Variants in PUDP observed in about 807,000 individuals in gnomAD.
The protein encoded by PUDP is pseudouridine 5'-phosphatase.
A neutral mutation model predicts 9.4 loss-of-function variants in PUDP; 8 were observed. The ratio of observed to expected loss-of-function variants is 0.85; its 90% confidence interval spans 0.50 to 1.53. The LOEUF (loss-of-function observed/expected upper bound fraction) is 1.53, where lower values mean the gene tolerates loss of function less well. Among genes scored for constraint, PUDP ranks in the 40% most tolerant of loss-of-function variants. The pLI is 0.00. For synonymous variants in PUDP, 99 were observed against 80.7 expected (o/e 1.23, Z -1.22); for missense variants, 188 against 189.7 (o/e 0.99, Z 0.05).
At chrX:6,954,463 T>C (rs774276572) in intron 3 of PUDP, among the ~76,000 whole-genome samples, 28 of 111,060 alleles carry the variant, frequency 2.5e-4, no homozygotes, top group Non-Finnish European at 4.5e-4. Flanking sequence ...TCTCGGCTTT[T>C]ACCCCTCTTG....
chrX:6,978,741 G>C (rs1409446236), intron 1 of PUDP, among the ~76,000 whole-genome samples: 1 of 112,531 alleles, frequency 8.9e-6, no homozygotes, highest in African/African-American at 3.2e-5. Context: ...CAGTGATCGT[G>C]GTACTGAGAA....
rs780478723 is a variant in PUDP, at chrX:6,917,494, A to G, written c.*247+59639T>C. On this transcript the variant is annotated intron_variant and NMD_transcript_variant, in intron 3 of 3. Coordinates refer to the PUDP transcript ENST00000655425. ...TAAAACTTCATACATCTTGTGGTTA[A>G]ACATGCTAGTTGAAGACGTCAAGTC... Among the ~76,000 whole-genome samples, 193 of 112,331 alleles carry G rather than the reference A, an allele frequency of 1.7e-3. 2 individuals carry two copies. Among genetic ancestry groups the G allele is most frequent in the African/African-American group, 5.7e-3 (178 of 31,015 alleles).
At chrX:6,810,576 C>T (rs1184271657) in intron 3 of PUDP, among the ~76,000 whole-genome samples, 2 of 111,083 alleles carry the variant, frequency 1.8e-5, no homozygotes, top group Admixed American at 9.6e-5. Flanking sequence ...TCTCAGACTC[C>T]GTATGAAAAA....
downstream of PUDP, among the ~76,000 whole-genome samples, chrX:7,047,255 G>A (rs952678901): frequency 8.9e-6 from 1 of 111,937 alleles, no homozygotes; most frequent in Admixed American, 9.4e-5. Flanking sequence ...ACCCCAACAT[G>A]TCATGACTAA....
At chrX:6,819,829 A>C (rs1221587574) in intron 3 of PUDP, among the ~76,000 whole-genome samples, 1 of 111,526 alleles carries the variant, frequency 9.0e-6, no homozygotes, top group Non-Finnish European at 1.9e-5. Context: ...CCAGCTGCAT[A>C]ATATTTTGAG....
chrX:6,864,068 T>C (rs72609563), intron 3 of PUDP, among the ~76,000 whole-genome samples: 10,196 of 110,766 alleles, frequency 0.092, 607 homozygotes, highest in East Asian at 0.46. Flanking sequence ...GGCCACCATA[T>C]TGGGTCATTC....
intron 3 of PUDP, among the ~76,000 whole-genome samples, chrX:7,070,258 G>T (rs73192625): frequency 8.9e-6 from 1 of 111,785 alleles, no homozygotes; most frequent in African/African-American, 3.3e-5. Context: ...TTGTTATTAC[G>T]GTTTTTTAAA....
intron 3 of PUDP, among the ~76,000 whole-genome samples, chrX:6,954,498 C>T (rs899154183): frequency 6.3e-5 from 7 of 111,063 alleles, no homozygotes; most frequent in African/African-American, 2.0e-4. Context: ...TAGATGGCTC[C>T]GTGTCAGTCC....
chrX:6,793,961 C>T (rs1429952186), intron 3 of PUDP, among the ~76,000 whole-genome samples: 1 of 111,466 alleles, frequency 9.0e-6, no homozygotes, highest in Non-Finnish European at 1.9e-5. Flanking sequence ...ACCTATTATC[C>T]TCCTTACTCC....
At chrX:6,766,897 C>G (rs1041956016) in intron 3 of PUDP, among the ~76,000 whole-genome samples, 1 of 112,091 alleles carries the variant, frequency 8.9e-6, no homozygotes, top group Non-Finnish European at 1.9e-5. Context: ...CTTTAATTAT[C>G]TCAAAATAAA....
At chrX:6,972,182 A>G (rs1928887459) in intron 3 of PUDP, among the ~76,000 whole-genome samples, 1 of 111,810 alleles carries the variant, frequency 8.9e-6, no homozygotes, top group African/African-American at 3.3e-5. Context: ...CTCTCTTCCT[A>G]TTTGAACATC....
chrX:6,962,559 T>C (rs774780020), intron 3 of PUDP, among the ~76,000 whole-genome samples: 1 of 112,385 alleles, frequency 8.9e-6, no homozygotes, highest in Non-Finnish European at 1.9e-5. Flanking sequence ...AGCATATGTC[T>C]AAGTAATTAC....
intron 2 of PUDP, among the ~76,000 whole-genome samples, chrX:7,097,435 T>C (rs1931604338): frequency 8.9e-6 from 1 of 111,789 alleles, no homozygotes; most frequent in South Asian, 3.8e-4. Flanking sequence ...TCTTCTGTTC[T>C]TGTGGACTCC....
Position 7,105,818 on chromosome X carries a change from C to G in PUDP, c.82G>C (p.Val28Leu), listed in dbSNP as rs753120243. 17 of 1,195,738 alleles carry G rather than the reference C, an allele frequency of 1.4e-5. No homozygotes were observed. The East Asian group carries it at 4.7e-4, about 33-fold the overall frequency. The change falls in exon 2 of 4, where the codon GTG becomes CTG. Residue 28 changes from valine to leucine, a missense_variant. By Grantham distance (32) the Val-to-Leu change is conservative (BLOSUM62 1). Coordinates refer to ENST00000381077, the MANE Select transcript of PUDP (RefSeq NM_012080.5). ...LLLDTERLYS[V>L]VFQEICNRYD... ...CGATTACATATTTCTTGAAACACCA[C>G]TGAATACAGCCGTTCAGTATCTGCA...
chrX:6,853,440 C>T (rs1302123924), intron 3 of PUDP, among the ~76,000 whole-genome samples: 1 of 75,547 alleles, frequency 1.3e-5, no homozygotes, highest in East Asian at 5.0e-4. Context: ...AAATATTCCC[C>T]CCTTTTGTGT....
chrX:7,123,966 C>T (rs1300229996), intron 1 of PUDP, among the ~76,000 whole-genome samples: 1 of 112,139 alleles, frequency 8.9e-6, no homozygotes, highest in Non-Finnish European at 1.9e-5. Flanking sequence ...TTCAATGCCA[C>T]ACTTGACAAT....
At position 6,967,376 on chromosome X, in the gene PUDP, C is replaced by G. The variant is rs1175752140; in HGVS notation, c.*247+9757G>C. ...CTGCTTCTTCTTTCTGTTCTCCTTC[C>G]TCTTAGGCAGGCTGCAGCCTCGTCC... On this transcript the variant is annotated intron_variant and NMD_transcript_variant, in intron 3 of 3. Coordinates refer to the PUDP transcript ENST00000655425. 2.7e-5 allele frequency among the ~76,000 whole-genome samples: 3 copies of G among 111,629 alleles called. 1 individual carries two copies. The highest frequency in any genetic ancestry group is 3.3e-5 in the African/African-American group (1 of 30,759).
intron 3 of PUDP, among the ~76,000 whole-genome samples, chrX:7,056,022 T>C (rs1223347468): frequency 9.0e-6 from 1 of 111,356 alleles, no homozygotes; most frequent in Admixed American, 9.5e-5. Context: ...TTTAAGCACC[T>C]CATGTTTTCA....
At chrX:6,881,286 G>A (rs1343728498) in intron 3 of PUDP, among the ~76,000 whole-genome samples, 1 of 112,209 alleles carries the variant, frequency 8.9e-6, no homozygotes, top group Non-Finnish European at 1.9e-5. Context: ...GCTCACTTCA[G>A]GTCATCAGCA....
Sources: gnomAD v4.1 joint callset for allele counts (sites outside exome capture counted in the v4.1 genomes callset) on GRCh38, gnomAD v4.1.1 for gene constraint, MANE v1.5 for transcripts, NCBI Gene and HGNC (gene_info 2026-07-23, HGNC 2026-07-21) for gene names.